ARFGEF2: variants seen among roughly 807,000 people sequenced by gnomAD.
ARFGEF2 encodes ARF guanine nucleotide exchange factor 2.
A neutral mutation model predicts 219.9 loss-of-function variants in ARFGEF2; 74 were observed. The observed-to-expected ratio is 0.34, with a 90% CI of 0.28 to 0.41. The LOEUF is 0.41. Among genes scored for constraint, ARFGEF2 ranks in the 10% least tolerant of loss-of-function variants. ARFGEF2 has a pLI of 1.00. For synonymous variants in ARFGEF2, 733 were observed against 799.2 expected, an observed-to-expected ratio of 0.92 and a Z score of 1.40; for missense variants, 1,743 against 2,218.3, an observed-to-expected ratio of 0.79 and a Z score of 4.30.
In ARFGEF2 at chr20:48,932,682, A is replaced by G. The variant is rs551402979; in HGVS notation, c.122-8517A>G. Among the ~76,000 whole-genome samples the G allele has an allele frequency of 2.6e-5, 4 of 152,314 alleles. No homozygotes were observed. The South Asian group carries it at 8.3e-4, about 32-fold the overall frequency. On this transcript the variant is annotated intron_variant, in intron 1 of 38. Coordinates refer to ENST00000371917, the MANE Select transcript of ARFGEF2 (RefSeq NM_006420.3). ...GAAAGCCGAGAGGTTGGCCATCTCAAGGTTTGACAGGACAAAGACAGGTTC... is the reference window on the plus strand; with the variant it reads ...GAAAGCCGAGAGGTTGGCCATCTCAGGGTTTGACAGGACAAAGACAGGTTC...
chr20:48,935,847 G>A (rs1439851289), intron 1 of ARFGEF2, among the ~76,000 whole-genome samples: 14 of 128,962 alleles, frequency 1.1e-4, no homozygotes, highest in Admixed American at 7.2e-5. Context: ...CCTCCCGGAC[G>A]GGGCGGCTGG....
In ARFGEF2 at chr20:48,936,219, C is replaced by T. The variant is rs867353100; in HGVS notation, c.122-4980C>T. ...GCGGCCGGGCAGAGGCGCCCCTCAC[C>T]TCCCGGACGGGGCGGCTGGCCGGGC... On this transcript the variant is annotated intron_variant, in intron 1 of 38. Transcript: ENST00000371917. Among the ~76,000 whole-genome samples, 567 of 136,410 alleles carry T rather than the reference C, an allele frequency of 4.2e-3. 6 individuals carry two copies. The highest frequency in any genetic ancestry group is 0.014 in the African/African-American group (506 of 36,108). 89.5% of individuals were successfully genotyped at this position (136,410 alleles called of 152,430 possible). A position where few individuals can be genotyped will look rare whatever the true frequency, so the allele number is the denominator to read the frequency against.
chr20:48,927,854 C>T (rs1390188256), intron 1 of ARFGEF2, among the ~76,000 whole-genome samples: 2 of 152,054 alleles, frequency 1.3e-5, no homozygotes, highest in Non-Finnish European at 2.9e-5. Flanking sequence ...GGACTCAGGA[C>T]CCTGGAAGAT....
chr20:48,985,695 C>T, intron 16 of ARFGEF2, 82 bp downstream of exon 16: 1 of 1,405,690 alleles, frequency 7.1e-7, no homozygotes, highest in Admixed American at 1.9e-5. Context: ...GGGGTTTAAT[C>T]TTTGTATATC....
At chr20:48,935,631 G>A (rs1410985884) in intron 1 of ARFGEF2, among the ~76,000 whole-genome samples, 1 of 152,110 alleles carries the variant, frequency 6.6e-6, no homozygotes, top group Non-Finnish European at 1.5e-5. Flanking sequence ...ACGGGGTGGT[G>A]GCCGGGCAGA....
In ARFGEF2 at chr20:49,036,432, T is replaced by A; in HGVS notation, c.*3233T>A. 1 of 393,542 alleles carries A rather than the reference T, an allele frequency of 2.5e-6. No homozygotes were observed. Among genetic ancestry groups the A allele is most frequent in the Non-Finnish European group, 4.5e-6 (1 of 223,464 alleles). 24.4% of individuals were successfully genotyped at this position (393,542 alleles called of 1,614,324 possible). On this transcript the variant is annotated 3_prime_UTR_variant, in exon 39 of 39. Coordinates refer to ENST00000371917, the MANE Select transcript of ARFGEF2 (RefSeq NM_006420.3). Reference sequence around the variant, plus strand: ...ATCAAATATTTATGTGTAAAATGTATGTTTTACCTCCTTAAAATGCCTAAA... The same window carrying A: ...ATCAAATATTTATGTGTAAAATGTAAGTTTTACCTCCTTAAAATGCCTAAA...
chr20:48,924,973 C>T lies in ARFGEF2; in HGVS notation c.121+2963C>T, dbSNP rs141602635. On this transcript the variant is annotated intron_variant, in intron 1 of 38. Transcript: ENST00000371917. Reference sequence around the variant, plus strand: ...ATTATTATTTTAAGCTGTGACAAACCACAGCAGCTGTAATTACTCTGGTTT... The same window carrying T: ...ATTATTATTTTAAGCTGTGACAAACTACAGCAGCTGTAATTACTCTGGTTT... Among the ~76,000 whole-genome samples the T allele has an allele frequency of 2.4e-3, 362 of 152,222 alleles. 1 individual carries two copies. The highest frequency in any genetic ancestry group is 3.9e-3 in the Non-Finnish European group (268 of 68,008).
At chr20:48,976,552 T>C (rs1385834289) in intron 14 of ARFGEF2, among the ~76,000 whole-genome samples, 6 of 152,288 alleles carry the variant, frequency 3.9e-5, no homozygotes, top group East Asian at 1.9e-4. Context: ...CTCACGCCTG[T>C]AATCCCAGCA....
At chr20:48,963,321 G>A (rs1464287190) in intron 6 of ARFGEF2, among the ~76,000 whole-genome samples, 1 of 152,144 alleles carries the variant, frequency 6.6e-6, no homozygotes, top group Non-Finnish European at 1.5e-5. Context: ...ACATTTTACA[G>A]AATAATTTCA....
intron 34 of ARFGEF2, among the ~76,000 whole-genome samples, chr20:49,022,015 G>A (rs1199238847): frequency 6.6e-6 from 1 of 151,400 alleles, no homozygotes; most frequent in African/African-American, 2.4e-5. Flanking sequence ...TGACACAGTG[G>A]CGCACACCTG....
At chr20:48,959,470 T>TC in intron 6 of ARFGEF2, among the ~76,000 whole-genome samples, 1 of 1,802 alleles carries the variant, frequency 5.5e-4, no homozygotes, top group Non-Finnish European at 1.2e-3. Context: ...CCTCCCTTCT[T>TC]CTCTCCTTCT....
chr20:48,950,079 AATC>A (rs1194851986), intron 3 of ARFGEF2, among the ~76,000 whole-genome samples: 1 of 152,144 alleles, frequency 6.6e-6, no homozygotes, highest in African/African-American at 2.4e-5. Context: ...CAGGCTTAGA[AATC>A]ATCCTGCTGC....
rs1449633974 is a variant in ARFGEF2 at position 49,009,116 on chromosome 20, A to G, written c.3585-1116A>G. Among the ~76,000 whole-genome samples, 4 of 152,238 alleles carry G rather than the reference A, an allele frequency of 2.6e-5. No individual in the cohort carries two copies. In the East Asian group the frequency reaches 7.7e-4, roughly 29 times the overall value. ...ACATTATAATAAATATAGTTTTGTC[A>G]ACAAGTTGCTTTATTCTCCATGGGG... is the stretch of plus-strand genomic sequence containing the variant. On this transcript the variant is annotated intron_variant, in intron 26 of 38. Coordinates refer to ENST00000371917, the MANE Select transcript of ARFGEF2 (RefSeq NM_006420.3).
chr20:48,923,835 G>T (rs1398716289), intron 1 of ARFGEF2, among the ~76,000 whole-genome samples: 1 of 152,122 alleles, frequency 6.6e-6, no homozygotes, highest in Non-Finnish European at 1.5e-5. Context: ...GGTCATGAAG[G>T]GCCATTAACG....
rs2091339004 is a variant in ARFGEF2, at chr20:48,988,477, T to A, written c.2362-14T>A. The A allele has an allele frequency of 2.5e-6, 4 of 1,611,438 alleles. No homozygotes were observed. The highest frequency in any genetic ancestry group is 3.4e-6 in the Non-Finnish European group (4 of 1,178,078). ...GATGTTTTTTAAATGGTTTTTAATTTTTTTTAATTACAGGTAAAAAATAAA... is the reference window on the plus strand; with the variant it reads ...GATGTTTTTTAAATGGTTTTTAATTATTTTTAATTACAGGTAAAAAATAAA... On this transcript the variant is annotated splice_polypyrimidine_tract_variant and intron_variant, in intron 17 of 38. Coordinates refer to ENST00000371917, the MANE Select transcript of ARFGEF2 (RefSeq NM_006420.3).
In ARFGEF2 at chr20:49,002,414, C is replaced by T. The variant is rs80245607; in HGVS notation, c.3433-2656C>T. 3.0e-4 allele frequency among the ~76,000 whole-genome samples: 45 copies of T among 152,242 alleles called. 1 individual carries two copies. In the South Asian group the frequency reaches 8.7e-3, roughly 29 times the overall value. On this transcript the variant is annotated intron_variant, in intron 25 of 38. Coordinates refer to ENST00000371917, the MANE Select transcript of ARFGEF2 (RefSeq NM_006420.3). ...TTAAACAGTAACTCCCACTTTCACCCTCCTGACCACAGGCAACCACCATTC... is the reference window on the plus strand; with the variant it reads ...TTAAACAGTAACTCCCACTTTCACCTTCCTGACCACAGGCAACCACCATTC...
chr20:49,008,707 GTTTTTT>G (rs796608906), intron 26 of ARFGEF2, among the ~76,000 whole-genome samples: 18 of 132,426 alleles, frequency 1.4e-4, no homozygotes, highest in Non-Finnish European at 2.0e-4. Context: ...TCATGTAAAG[GTTTTTT>G]TTTTTTTTTT....
intron 6 of ARFGEF2, among the ~76,000 whole-genome samples, chr20:48,954,071 C>T (rs2091090953): frequency 6.6e-6 from 1 of 152,202 alleles, no homozygotes; most frequent in South Asian, 2.1e-4. Flanking sequence ...GGTTGGGACA[C>T]TTATCTTTCA....
At chr20:48,937,472 C>T (rs1043821799) in intron 1 of ARFGEF2, among the ~76,000 whole-genome samples, 16 of 152,084 alleles carry the variant, frequency 1.1e-4, no homozygotes, top group African/African-American at 3.6e-4. Context: ...GGTCTGAGCT[C>T]CTGAGCTTAA....
Sources: allele counts gnomAD v4.1 joint callset (sites outside exome capture counted in the v4.1 genomes callset), GRCh38; gene constraint gnomAD v4.1.1; transcripts MANE v1.5; gene names NCBI Gene and HGNC (gene_info 2026-07-23, HGNC 2026-07-21).